Variants in ZNF33B observed in about 807,000 individuals in gnomAD.
The protein encoded by ZNF33B is zinc finger protein 11b (KOX 2).
Under a neutral mutation model 45.8 loss-of-function variants are expected in ZNF33B, and 29 were observed. That is an observed-to-expected ratio of 0.63 (90% CI 0.47 to 0.86). The LOEUF is 0.86. ZNF33B is among the 40% of genes least tolerant of loss of function. ZNF33B has a pLI of 0.00. For synonymous variants in ZNF33B, 305 were observed against 307.8 expected (o/e 0.99, Z 0.10); for missense variants, 831 against 909.9 (o/e 0.91, Z 1.12).
At chr10:42,620,253 G>A (rs1395239285) in intron 4 of ZNF33B, among the ~76,000 whole-genome samples, 1 of 149,888 alleles carries the variant, frequency 6.7e-6, no homozygotes, top group Non-Finnish European at 1.5e-5. Flanking sequence ...AAAGAAGGCA[G>A]TAATAAAGGG....
Position 42,623,139 on chromosome 10 carries a change from C to T in ZNF33B, c.250+8790G>A, listed in dbSNP as rs1232044259. Among the ~76,000 whole-genome samples, 6 of 152,258 alleles carry T rather than the reference C, an allele frequency of 3.9e-5. 1 individual carries two copies. The South Asian group carries it at 6.2e-4, about 16-fold the overall frequency. Reference sequence around the variant, plus strand: ...AAAATTAGCTGGGCACTGTGGCATGCGCCTGTAGTCCCAGCTACTCGGGAA... The same window carrying T: ...AAAATTAGCTGGGCACTGTGGCATGTGCCTGTAGTCCCAGCTACTCGGGAA... On this transcript the variant is annotated intron_variant, in intron 4 of 4. Coordinates refer to ENST00000359467, the MANE Select transcript of ZNF33B (RefSeq NM_006955.3).
intron 4 of ZNF33B, among the ~76,000 whole-genome samples, chr10:42,596,522 A>G (rs1837406984): frequency 6.6e-6 from 1 of 152,188 alleles, no homozygotes; most frequent in South Asian, 2.1e-4. Flanking sequence ...GAATTATATT[A>G]TTTTAAATCT....
At chr10:42,618,352 T>A (rs1412822067) in intron 4 of ZNF33B, among the ~76,000 whole-genome samples, 2 of 152,218 alleles carry the variant, frequency 1.3e-5, no homozygotes, top group Non-Finnish European at 1.5e-5. Context: ...TTCAAGAACA[T>A]CTGGATTATT....
chr10:42,581,953 C>T (rs1371754092), intron 1 of ZNF33B: 1 of 152,008 alleles, frequency 6.6e-6, no homozygotes, highest in Non-Finnish European at 1.5e-5. Context: ...CGTCTCTACA[C>T]AAAATACAAA....
chr10:42,594,711 C>T lies in ZNF33B; in HGVS notation c.251-12G>A. On this transcript the variant is annotated splice_polypyrimidine_tract_variant and intron_variant, in intron 4 of 4. Coordinates refer to ENST00000359467, the MANE Select transcript of ZNF33B (RefSeq NM_006955.3). ...AGCTGTCCAGACTTCTACAAACAAA[C>T]AAAATTAATCTTACCATATAAATAC... 6.5e-7 allele frequency: 1 copy of T among 1,536,350 alleles called. No homozygotes were observed. Among genetic ancestry groups the T allele is most frequent in the Non-Finnish European group, 8.7e-7 (1 of 1,149,078 alleles).
At position 42,594,622 on chromosome 10, in the gene ZNF33B, T is replaced by C. The variant is rs1464506134; in HGVS notation, c.328A>G (p.Asn110Asp). The stretch of plus-strand genomic sequence containing the variant: ...TGTTCCTTAGTCAGCATTTCATTAT[T>C]GATGAATACAACTTCCCACAAATGT... ...SKHLWEVVFINNEMLTKEQGN... is the reference protein window; with the variant it reads ...SKHLWEVVFIDNEMLTKEQGN... The change falls in exon 5 of 5, where the codon AAT becomes GAT. Residue 110 changes from asparagine to aspartate, a missense_variant. Transcript: ENST00000359467. 5.0e-6 allele frequency: 8 copies of C among 1,609,884 alleles called. No homozygotes were observed. Among genetic ancestry groups the C allele is most frequent in the Admixed American group, 3.4e-5 (2 of 59,200 alleles).
At chr10:42,616,444 T>C (rs1053070090) in intron 4 of ZNF33B, among the ~76,000 whole-genome samples, 1 of 152,134 alleles carries the variant, frequency 6.6e-6, no homozygotes, top group African/African-American at 2.4e-5. Flanking sequence ...ACCTCACTAA[T>C]TTTTTTAGTA....
At chr10:42,580,274 T>A (rs1480999501) in intron 1 of ZNF33B, among the ~76,000 whole-genome samples, 1 of 152,156 alleles carries the variant, frequency 6.6e-6, no homozygotes, top group Non-Finnish European at 1.5e-5. Context: ...AGAGTCTCAC[T>A]CTGTCACCCA....
At chr10:42,614,642 C>T (rs1838236784) in intron 4 of ZNF33B, among the ~76,000 whole-genome samples, 1 of 152,076 alleles carries the variant, frequency 6.6e-6, no homozygotes, top group Non-Finnish European at 1.5e-5. Context: ...ACATAAATAG[C>T]CAACAGGTGC....
chr10:42,636,858 G>A (rs1839327816), intron 2 of ZNF33B, 62 bp downstream of exon 2: 1 of 1,608,792 alleles, frequency 6.2e-7, no homozygotes, highest in South Asian at 1.1e-5. Flanking sequence ...AAACCATACT[G>A]ACTCTTACAA....
At chr10:42,574,584 T>C (rs922907438) in exon 2 of ZNF33B, 93 of 152,064 alleles carry the variant, frequency 6.1e-4, no homozygotes, top group African/African-American at 2.1e-3. Context: ...ATATCTTCCA[T>C]ATCTTCTCTG....
At chr10:42,581,718 G>A (rs1451666046) in intron 1 of ZNF33B, 1 of 152,178 alleles carries the variant, frequency 6.6e-6, no homozygotes, top group Non-Finnish European at 1.5e-5. Flanking sequence ...TTTACAAACT[G>A]CCTGGGACAT....
chr10:42,587,743 G>T (rs1456025154), downstream of ZNF33B, among the ~76,000 whole-genome samples: 1 of 152,226 alleles, frequency 6.6e-6, no homozygotes, highest in Non-Finnish European at 1.5e-5. Flanking sequence ...ACTGGCGAGG[G>T]TTTTGTATTG....
intron 4 of ZNF33B, among the ~76,000 whole-genome samples, chr10:42,599,717 C>T (rs575772927): frequency 6.6e-6 from 1 of 151,986 alleles, no homozygotes; most frequent in Admixed American, 6.6e-5. Context: ...AATCAATGAC[C>T]TCAGGTGCTT....
At chr10:42,627,054 A>T (rs1423456021) in intron 4 of ZNF33B, among the ~76,000 whole-genome samples, 1 of 151,614 alleles carries the variant, frequency 6.6e-6, no homozygotes, top group African/African-American at 2.4e-5. Context: ...CCAGGCTAGA[A>T]TGCAATGGTG....
rs375820572 is a variant in ZNF33B at position 42,594,226 on chromosome 10, C to T, written c.724G>A (p.Ala242Thr). The T allele has an allele frequency of 1.9e-5, 30 of 1,613,710 alleles. No individual in the cohort carries two copies. The highest frequency in any genetic ancestry group is 2.5e-5 in the Non-Finnish European group (30 of 1,179,922). The part of the protein sequence containing the change: ...AVFNTRKREN[A>T]EENNCDYNEF... ...TTATAGTCACAGTTATTCTCTTCTG[C>T]ATTCTCTCTCTTCCGTGTATTGAAT... The change falls in exon 5 of 5, where the codon GCA becomes ACA. Residue 242 changes from alanine to threonine, a missense_variant. Transcript: ENST00000359467.
intron 4 of ZNF33B, among the ~76,000 whole-genome samples, chr10:42,599,310 ATTTTGTT>A (rs1564503921): frequency 6.6e-6 from 1 of 151,752 alleles, no homozygotes; most frequent in Non-Finnish European, 1.5e-5. Flanking sequence ...ATTGTTCTCC[ATTTTGTT>A]TTTTATTATT....
downstream of ZNF33B, among the ~76,000 whole-genome samples, chr10:42,585,572 C>G (rs1836916896): frequency 6.6e-6 from 1 of 152,288 alleles, no homozygotes; most frequent in Middle Eastern, 3.4e-3. Context: ...ATTGATAACA[C>G]CAGCTTAGAT....
At chr10:42,600,698 G>T (rs1293385542) in intron 4 of ZNF33B, among the ~76,000 whole-genome samples, 2 of 151,994 alleles carry the variant, frequency 1.3e-5, no homozygotes, top group African/African-American at 4.8e-5. Flanking sequence ...GCTTTAATCA[G>T]TGTACTTTTC....
Sources: gnomAD v4.1 joint callset for allele counts (sites outside exome capture counted in the v4.1 genomes callset) on GRCh38, gnomAD v4.1.1 for gene constraint, MANE v1.5 for transcripts, NCBI Gene and HGNC (gene_info 2026-07-23, HGNC 2026-07-21) for gene names.